Variants in TOMM20 observed in about 807,000 individuals in gnomAD.
TOMM20 encodes the protein translocase of outer mitochondrial membrane 20.
In TOMM20, 10 loss-of-function variants were observed where a neutral mutation model predicts 22.1. That is an observed-to-expected ratio of 0.45 (90% confidence interval 0.28 to 0.77). The LOEUF (loss-of-function observed/expected upper bound fraction) is 0.77, where lower values mean the gene tolerates loss of function less well. Among genes scored for constraint, TOMM20 ranks in the 30% least tolerant of loss-of-function variants. The probability of loss-of-function intolerance (pLI) is 0.13; values close to 1 mark genes in which losing one functional copy is unlikely to be tolerated. For synonymous variants in TOMM20, 55 were observed against 61.4 expected (o/e 0.90, Z 0.49); for missense variants, 121 against 172.2 (o/e 0.70, Z 1.66).
At position 235,128,816 on chromosome 1, in the gene TOMM20, C is replaced by A; in HGVS notation, c.-101G>T. 7 of 1,555,234 alleles carry A rather than the reference C, an allele frequency of 4.5e-6. No individual in the cohort carries two copies. The highest frequency in any genetic ancestry group is 1.4e-5 in the African/African-American group (1 of 73,250). On this transcript the variant is annotated 5_prime_UTR_variant, in exon 1 of 5. Coordinates refer to ENST00000366607, the MANE Select transcript of TOMM20 (RefSeq NM_014765.3). ...GTCGGCGCAGCTCACACCCGACGGC[C>A]GCGGGCCAGGAACACAGAAAGGCCG...
chr1:235,124,421 CAATT>C (rs1208313353), intron 1 of TOMM20, among the ~76,000 whole-genome samples: 1 of 152,210 alleles, frequency 6.6e-6, no homozygotes, highest in Non-Finnish European at 1.5e-5. Context: ...ACCAAGGTCA[CAATT>C]ACTTACTGGT....
intron 4 of TOMM20, among the ~76,000 whole-genome samples, chr1:235,112,634 A>G (rs1025081930): frequency 1.3e-5 from 2 of 152,180 alleles, no homozygotes; most frequent in African/African-American, 2.4e-5. Flanking sequence ...TCATTACATA[A>G]TATTACATCA....
chr1:235,120,414 G>A (rs1035025458), intron 2 of TOMM20, among the ~76,000 whole-genome samples: 1 of 151,482 alleles, frequency 6.6e-6, no homozygotes, highest in Non-Finnish European at 1.5e-5. Flanking sequence ...CTGGGTGCCC[G>A]CCACCATGCC....
intron 2 of TOMM20, 96 bp from the exon 3 acceptor site, chr1:235,119,995 A>C: frequency 1.3e-5 from 9 of 683,610 alleles, no homozygotes; most frequent in Non-Finnish European, 1.8e-5. Flanking sequence ...AAAAAACCAA[A>C]TCACTCATTC....
intron 2 of TOMM20, among the ~76,000 whole-genome samples, chr1:235,121,943 A>T (rs1412480180): frequency 1.3e-5 from 2 of 152,366 alleles, no homozygotes; most frequent in East Asian, 3.9e-4. Context: ...TTTTGAAATA[A>T]TAACCCATGG....
chr1:235,125,143 C>T (rs1660989420), intron 1 of TOMM20, among the ~76,000 whole-genome samples: 1 of 152,220 alleles, frequency 6.6e-6, no homozygotes, highest in Admixed American at 6.5e-5. Context: ...GACAAAAAGT[C>T]TAAATAAATT....
At chr1:235,115,764 G>C (rs1572127132) in intron 3 of TOMM20, among the ~76,000 whole-genome samples, 1 of 152,218 alleles carries the variant, frequency 6.6e-6, no homozygotes, top group East Asian at 1.9e-4. Context: ...TGTTTGTACA[G>C]TAAACAACCT....
chr1:235,114,011 A>G, intron 3 of TOMM20, 101 bp from the exon 4 acceptor site: 1 of 1,297,188 alleles, frequency 7.7e-7, no homozygotes. Flanking sequence ...CAAAAACACT[A>G]AGCAAGTAAA....
Position 235,110,350 on chromosome 1 carries a change from A to G in TOMM20, c.*1714T>C, listed in dbSNP as rs1055410994. ...CTGTTCTCCCTCTAACTGCCCCTCT[A>G]TACATGTCTGGGCTGCTGCCTAAGA... On this transcript the variant is annotated 3_prime_UTR_variant, in exon 5 of 5. Coordinates refer to ENST00000366607, the MANE Select transcript of TOMM20 (RefSeq NM_014765.3). 2 of 151,972 alleles carry G rather than the reference A, an allele frequency of 1.3e-5. No homozygotes were observed. The highest frequency in any genetic ancestry group is 2.4e-5 in the African/African-American group (1 of 41,310). 9.4% of individuals were successfully genotyped at this position (151,972 alleles called of 1,614,324 possible). A position where few individuals can be genotyped will look rare whatever the true frequency, so the allele number is the denominator to read the frequency against.
intron 3 of TOMM20, among the ~76,000 whole-genome samples, chr1:235,118,556 T>G (rs1002423621): frequency 3.3e-5 from 5 of 152,194 alleles, no homozygotes; most frequent in Non-Finnish European, 1.5e-5. Context: ...AGACAGCATA[T>G]CATTCTGTTG....
At chr1:235,117,892 G>C (rs147948293) in intron 3 of TOMM20, among the ~76,000 whole-genome samples, 1,729 of 151,964 alleles carry the variant, frequency 0.011, 31 homozygotes, top group African/African-American at 0.036. Context: ...AATTGTGTAG[G>C]TCATTGTCAT....
At chr1:235,123,761 G>C (rs1660969118) in intron 1 of TOMM20, among the ~76,000 whole-genome samples, 1 of 152,106 alleles carries the variant, frequency 6.6e-6, no homozygotes, top group East Asian at 1.9e-4. Context: ...CTAACTGTGG[G>C]GAAAAAGGAT....
chr1:235,123,611 T>G (rs541380814), intron 1 of TOMM20, among the ~76,000 whole-genome samples: 1 of 152,226 alleles, frequency 6.6e-6, no homozygotes, highest in East Asian at 1.9e-4. Context: ...TCTCCCATAA[T>G]AGAGTGCTAC....
chr1:235,128,606 C>G lies in TOMM20; in HGVS notation c.110G>C (p.Arg37Thr), dbSNP rs1333744464. 2 of 1,612,840 alleles carry G rather than the reference C, an allele frequency of 1.2e-6. No homozygotes were observed. The highest frequency in any genetic ancestry group is 2.2e-5 in the South Asian group (2 of 91,024). The change falls in exon 1 of 5, where the codon AGG becomes ACG. Residue 37 changes from arginine to threonine, a missense_variant. By Grantham distance (71) the Arg-to-Thr change is moderately conservative. Coordinates refer to ENST00000366607, the MANE Select transcript of TOMM20 (RefSeq NM_014765.3). ...GAGGACCCACTCACGTTCTCGAAGC[C>G]TGTTCTTGAAGTTGGGGTCACTTCG... is the stretch of plus-strand genomic sequence containing the variant. Reference protein sequence around the residue: ...KRRSDPNFKNRLRERRKKQKL... With the variant: ...KRRSDPNFKNTLRERRKKQKL...
chr1:235,120,562 G>A (rs540526438), intron 2 of TOMM20, among the ~76,000 whole-genome samples: 12 of 150,900 alleles, frequency 8.0e-5, no homozygotes, highest in African/African-American at 2.4e-4. Context: ...ACCGCACCCA[G>A]CCTACATTTT....
At chr1:235,119,103 C>A (rs547001557) in intron 3 of TOMM20, among the ~76,000 whole-genome samples, 1 of 152,126 alleles carries the variant, frequency 6.6e-6, no homozygotes, top group Admixed American at 6.6e-5. Flanking sequence ...TATTTGATAG[C>A]AGTTTTAATA....
intron 3 of TOMM20, among the ~76,000 whole-genome samples, chr1:235,115,671 G>A (rs963138045): frequency 1.1e-4 from 16 of 152,092 alleles, no homozygotes; most frequent in Non-Finnish European, 2.1e-4. Context: ...AATACAAGTA[G>A]AGGAACAATT....
intron 3 of TOMM20, among the ~76,000 whole-genome samples, chr1:235,114,144 A>T (rs1156424976): frequency 6.6e-6 from 1 of 152,240 alleles, no homozygotes; most frequent in Non-Finnish European, 1.5e-5. Context: ...ATCAATGTAT[A>T]AAAATGTCAA....
rs1572129660 is a variant in TOMM20, at chr1:235,120,182, A to G, written c.169-283T>C. ...ATCTATACCGTCTACGCACGTTACA[A>G]TATTTTCGGATGCCATTATTGTAGA... On this transcript the variant is annotated intron_variant, in intron 2 of 4. Transcript: ENST00000366607. Among the ~76,000 whole-genome samples the G allele has an allele frequency of 5.3e-5, 8 of 152,338 alleles. No individual in the cohort carries two copies. The South Asian group carries it at 1.4e-3, about 28-fold the overall frequency.
Sources: gnomAD v4.1 joint callset for allele counts (sites outside exome capture counted in the v4.1 genomes callset) on GRCh38, gnomAD v4.1.1 for gene constraint, MANE v1.5 for transcripts, NCBI Gene and HGNC (gene_info 2026-07-23, HGNC 2026-07-21) for gene names.